The following TPGS2 variants were observed in gnomAD, a reference collection of about 807,000 sequenced individuals.
TPGS2 encodes the protein tubulin polyglutamylase complex subunit 2.
A neutral mutation model predicts 31.1 loss-of-function variants in TPGS2; 26 were observed. The observed-to-expected ratio is 0.84, with a 90% CI of 0.61 to 1.16. The LOEUF (loss-of-function observed/expected upper bound fraction) is 1.16, where lower values mean the gene tolerates loss of function less well. TPGS2 is among the 50% of genes most tolerant of loss of function. TPGS2 has a pLI of 0.00. For missense variants in TPGS2, 351 were observed against 363.8 expected, an observed-to-expected ratio of 0.96 and a Z score of 0.29; for synonymous variants, 130 against 136.6, an observed-to-expected ratio of 0.95 and a Z score of 0.34.
intron 1 of TPGS2, among the ~76,000 whole-genome samples, chr18:36,827,799 A>T (rs2046239466): frequency 6.6e-6 from 1 of 152,238 alleles, no homozygotes; most frequent in South Asian, 2.1e-4. Flanking sequence ...TCTGAGTAAC[A>T]GATTACTGAC....
chr18:36,785,856 A>C (rs1221679013), intron 6 of TPGS2, among the ~76,000 whole-genome samples: 2 of 152,224 alleles, frequency 1.3e-5, no homozygotes, highest in Non-Finnish European at 2.9e-5. Flanking sequence ...TTTCTTATAA[A>C]GGGTCAACCA....
At chr18:36,821,851 C>T (rs948446331) in intron 1 of TPGS2, among the ~76,000 whole-genome samples, 4 of 152,214 alleles carry the variant, frequency 2.6e-5, no homozygotes, top group Non-Finnish European at 4.4e-5. Flanking sequence ...CTGTTCCCCG[C>T]TGGCGTGCTT....
At chr18:36,798,334 C>G (rs878985955) in intron 6 of TPGS2, 115 bp downstream of exon 6, 1 of 1,540,342 alleles carries the variant, frequency 6.5e-7, no homozygotes, top group South Asian at 1.3e-5. Context: ...GGTTCCTGGG[C>G]CCCACCCTAG....
chr18:36,801,866 T>C (rs572864735), intron 4 of TPGS2, among the ~76,000 whole-genome samples: 20 of 152,364 alleles, frequency 1.3e-4, no homozygotes, highest in Middle Eastern at 3.4e-3. Context: ...GTTCCCATGA[T>C]TGGTAAACTT....
At chr18:36,826,496 T>C (rs1286743324) in intron 1 of TPGS2, among the ~76,000 whole-genome samples, 1 of 151,302 alleles carries the variant, frequency 6.6e-6, no homozygotes, top group Non-Finnish European at 1.5e-5. Context: ...ACAGATAGCT[T>C]ACCTTCTTCC....
At chr18:36,823,358 C>T (rs954021652) in intron 1 of TPGS2, among the ~76,000 whole-genome samples, 1 of 152,124 alleles carries the variant, frequency 6.6e-6, no homozygotes, top group Admixed American at 6.5e-5. Flanking sequence ...GCAGAGGCCA[C>T]CTACATTCCT....
intron 2 of TPGS2, 134 bp downstream of exon 2, chr18:36,818,760 T>C (rs758052009): frequency 6.9e-5 from 54 of 779,816 alleles, no homozygotes; most frequent in Non-Finnish European, 9.5e-5. Context: ...AACAGGAACA[T>C]AGAAAAGGTA....
At chr18:36,821,154 T>C (rs1361770937) in intron 1 of TPGS2, 3 of 152,210 alleles carry the variant, frequency 2.0e-5, no homozygotes, top group East Asian at 3.9e-4. Flanking sequence ...GAAAAAATGG[T>C]GTACCAGTTT....
chr18:36,792,475 CTTCTA>C (rs541480591), downstream of TPGS2, among the ~76,000 whole-genome samples: 67 of 152,232 alleles, frequency 4.4e-4, 2 homozygotes, highest in South Asian at 0.014. Context: ...TCCCTTGGTC[CTTCTA>C]TTCTAGTCAT....
chr18:36,808,911 A>G (rs529952176), intron 2 of TPGS2, among the ~76,000 whole-genome samples: 5 of 152,256 alleles, frequency 3.3e-5, no homozygotes, highest in African/African-American at 1.2e-4. Flanking sequence ...TGTGCAAAGG[A>G]TGAGTTCTCC....
In TPGS2 at chr18:36,796,277, A is replaced by G; in HGVS notation, c.*528T>C. On this transcript the variant is annotated 3_prime_UTR_variant, in exon 7 of 7. Coordinates refer to ENST00000334295, the MANE Select transcript of TPGS2 (RefSeq NM_015476.4). ...ATATTCTAATGCAGTGCTGTCCAAC[A>G]GAACTTTCTGTGGTGATGGAAATGT... 1 of 985,188 alleles carries G rather than the reference A, an allele frequency of 1.0e-6. No homozygotes were observed. The highest frequency in any genetic ancestry group is 4.7e-5 in the South Asian group (1 of 21,280). 61.0% of individuals were successfully genotyped at this position (985,188 alleles called of 1,614,324 possible).
intron 1 of TPGS2, among the ~76,000 whole-genome samples, chr18:36,825,337 C>T (rs2046083666): frequency 6.8e-6 from 1 of 147,004 alleles, no homozygotes; most frequent in Non-Finnish European, 1.5e-5. Context: ...GAGGATGAGG[C>T]AGGAGAATGG....
intron 1 of TPGS2, among the ~76,000 whole-genome samples, chr18:36,823,618 G>A (rs1450607475): frequency 6.6e-6 from 1 of 150,874 alleles, no homozygotes; most frequent in Non-Finnish European, 1.5e-5. Context: ...CCGCTACCAC[G>A]CCCGGCTAAT....
Position 36,825,427 on chromosome 18 carries a change from G to A in TPGS2, c.85+3256C>T, listed in dbSNP as rs1440732918. ...AGCCTGGGCGACAGAGCGAGACTCC[G>A]TCTCCAAAAAAAAAAAAAAAAAAAA... is the stretch of plus-strand genomic sequence containing the variant. On this transcript the variant is annotated intron_variant, in intron 1 of 6. Coordinates refer to ENST00000334295, the MANE Select transcript of TPGS2 (RefSeq NM_015476.4). 6.3e-5 allele frequency among the ~76,000 whole-genome samples: 7 copies of A among 111,818 alleles called. No individual in the cohort carries two copies. The South Asian group carries it at 7.9e-4, about 13-fold the overall frequency. 73.4% of individuals were successfully genotyped at this position (111,818 alleles called of 152,430 possible). A position where few individuals can be genotyped will look rare whatever the true frequency, so the allele number is the denominator to read the frequency against.
At position 36,794,663 on chromosome 18, in the gene TPGS2, T is replaced by C. The variant is rs1450647694; in HGVS notation, c.*2142A>G. 1 of 985,300 alleles carries C rather than the reference T, an allele frequency of 1.0e-6. No homozygotes were observed. The highest frequency in any genetic ancestry group is 1.2e-6 in the Non-Finnish European group (1 of 829,948). The allele number at this position is 985,300 out of a possible 1,614,324, so 61.0% of individuals were successfully genotyped here. ...TCAATTCTGGCAAGAAAAATACTTCTGGAAGACTAAACTCCAGCTATTGTC... is the reference window on the plus strand; with the variant it reads ...TCAATTCTGGCAAGAAAAATACTTCCGGAAGACTAAACTCCAGCTATTGTC... On this transcript the variant is annotated 3_prime_UTR_variant, in exon 7 of 7. Transcript: ENST00000334295.
chr18:36,781,734 A>G, downstream of TPGS2: 5 of 984,108 alleles, frequency 5.1e-6, no homozygotes, highest in Non-Finnish European at 4.8e-6. Context: ...TTAAAAAGCC[A>G]AAGACTATAT....
chr18:36,819,951 C>T lies in TPGS2; in HGVS notation c.86-978G>A, dbSNP rs560246412. On this transcript the variant is annotated intron_variant, in intron 1 of 6. Coordinates refer to ENST00000334295, the MANE Select transcript of TPGS2 (RefSeq NM_015476.4). ...CAGTGCATACATGTTGTCCCCACTA[C>T]TTGGGAGGCTGACACAGGAGGGTAG... 7.9e-5 allele frequency among the ~76,000 whole-genome samples: 12 copies of T among 152,322 alleles called. No homozygotes were observed. In the East Asian group the frequency reaches 2.1e-3, roughly 27 times the overall value.
intron 1 of TPGS2, among the ~76,000 whole-genome samples, chr18:36,822,979 T>G (rs2045959320): frequency 6.6e-6 from 1 of 152,276 alleles, no homozygotes; most frequent in African/African-American, 2.4e-5. Context: ...TGTGCTATAT[T>G]ACACTTGTGT....
chr18:36,794,687 T>A lies in TPGS2; in HGVS notation c.*2118A>T. ...CTGGAAGACTAAACTCCAGCTATTG[T>A]CCTCAACAACTTGGTCTCTCTATAT... is the stretch of plus-strand genomic sequence containing the variant. On this transcript the variant is annotated 3_prime_UTR_variant, in exon 7 of 7. Transcript: ENST00000334295. 2 of 985,426 alleles carry A rather than the reference T, an allele frequency of 2.0e-6. No homozygotes were observed. The highest frequency in any genetic ancestry group is 4.7e-5 in the South Asian group (1 of 21,288). 61.0% of individuals were successfully genotyped at this position (985,426 alleles called of 1,614,324 possible).
Sources: allele counts gnomAD v4.1 joint callset (sites outside exome capture counted in the v4.1 genomes callset), GRCh38; gene constraint gnomAD v4.1.1; transcripts MANE v1.5; gene names NCBI Gene and HGNC (gene_info 2026-07-23, HGNC 2026-07-21).